NALCN: variants seen among roughly 807,000 people sequenced by gnomAD.
NALCN encodes sodium leak channel NALCN.
A neutral mutation model predicts 225.3 loss-of-function variants in NALCN; 111 were observed. The observed-to-expected ratio is 0.49, with a 90% confidence interval of 0.42 to 0.58. NALCN has a LOEUF of 0.58. NALCN is among the 20% of genes least tolerant of loss of function. NALCN has a pLI of 0.00. For synonymous variants in NALCN, 764 were observed against 769.0 expected, an observed-to-expected ratio of 0.99 and a Z score of 0.11; for missense variants, 1,378 against 2,202.4, an observed-to-expected ratio of 0.63 and a Z score of 7.49.
At chr13:101,127,491 T>G (rs2036294001) in intron 17 of NALCN, among the ~76,000 whole-genome samples, 1 of 152,152 alleles carries the variant, frequency 6.6e-6, no homozygotes, top group Non-Finnish European at 1.5e-5. Context: ...CCCTAGTAGC[T>G]GGGATTACAG....
intron 7 of NALCN, among the ~76,000 whole-genome samples, chr13:101,314,675 A>G (rs1352537012): frequency 6.6e-6 from 1 of 152,276 alleles, no homozygotes; most frequent in African/African-American, 2.4e-5. Flanking sequence ...GCACAGGACA[A>G]TTTTTCAAAT....
chr13:101,329,748 A>G (rs7986585), intron 7 of NALCN, among the ~76,000 whole-genome samples: 11,499 of 152,198 alleles, frequency 0.076, 541 homozygotes, highest in African/African-American at 0.12. Context: ...CTAAAAATAT[A>G]AAAACATAGG....
intron 22 of NALCN, among the ~76,000 whole-genome samples, chr13:101,106,828 T>G (rs1174930644): frequency 6.6e-6 from 1 of 152,188 alleles, no homozygotes. Context: ...AATTACCCAG[T>G]CTCAGGTATG....
At chr13:101,304,661 G>C (rs1490198755) in intron 7 of NALCN, among the ~76,000 whole-genome samples, 2 of 151,984 alleles carry the variant, frequency 1.3e-5, no homozygotes, top group Non-Finnish European at 1.5e-5. Context: ...TGGCCTTGAA[G>C]TCCTGAGCTC....
chr13:101,198,282 T>G (rs1566418929), intron 13 of NALCN, among the ~76,000 whole-genome samples: 1 of 152,084 alleles, frequency 6.6e-6, no homozygotes, highest in Admixed American at 6.5e-5. Flanking sequence ...AAACCCAAAA[T>G]TGACAAATGG....
At chr13:101,164,799 C>T (rs1345943197) in intron 15 of NALCN, among the ~76,000 whole-genome samples, 2 of 152,254 alleles carry the variant, frequency 1.3e-5, no homozygotes, top group African/African-American at 4.8e-5. Flanking sequence ...AAGTAAGTAG[C>T]TATTTCAGAA....
At chr13:101,167,041 T>C (rs1372156732) in intron 15 of NALCN, among the ~76,000 whole-genome samples, 1 of 152,250 alleles carries the variant, frequency 6.6e-6, no homozygotes, top group African/African-American at 2.4e-5. Flanking sequence ...GAGGGTTTAC[T>C]TGTGGCCTCT....
At position 101,251,660 on chromosome 13, in the gene NALCN, A is replaced by C. The variant is rs146062941; in HGVS notation, c.1266+6783T>G. On this transcript the variant is annotated intron_variant, in intron 11 of 43. Transcript: ENST00000251127. ...AAAGAAGGAAAAATAACCATAGAAA[A>C]AGAATCCTGCAAAATAATCATATTA... Among the ~76,000 whole-genome samples, 724 of 152,310 alleles carry C rather than the reference A, an allele frequency of 4.8e-3. 8 individuals carry two copies. Among genetic ancestry groups the C allele is most frequent in the African/African-American group, 0.016 (663 of 41,572 alleles).
chr13:101,376,832 G>A lies in NALCN; in HGVS notation c.516-4C>T. Reference sequence around the variant, plus strand: ...CCATATTTGTTCTCCCGATCGCCTAGAGAAACAAAAGTAGGTAAAGTACAT... The same window carrying A: ...CCATATTTGTTCTCCCGATCGCCTAAAGAAACAAAAGTAGGTAAAGTACAT... On this transcript the variant is annotated splice_region_variant and splice_polypyrimidine_tract_variant and intron_variant, in intron 5 of 43. Coordinates refer to ENST00000251127, the MANE Select transcript of NALCN (RefSeq NM_052867.4). The A allele has an allele frequency of 6.2e-7, 1 of 1,612,216 alleles. No individual in the cohort carries two copies. Among genetic ancestry groups the A allele is most frequent in the Non-Finnish European group, 8.5e-7 (1 of 1,179,556 alleles).
intron 7 of NALCN, among the ~76,000 whole-genome samples, chr13:101,335,586 CT>C (rs1398747517): frequency 2.0e-5 from 3 of 152,046 alleles, no homozygotes; most frequent in Non-Finnish European, 4.4e-5. Context: ...AGATGAAGCC[CT>C]TTTAGTTGAA....
chr13:101,104,639 C>G lies in NALCN; in HGVS notation c.2648G>C (p.Gly883Ala), dbSNP rs746926466. The G allele has an allele frequency of 1.9e-6, 3 of 1,613,830 alleles. No homozygotes were observed. The highest frequency in any genetic ancestry group is 1.7e-4 in the Middle Eastern group (1 of 6,052). ...TKYHQLYDLL[G>A]LVTYLDWVMI... ...GACCCAGTCCAGGTAAGTGACCAAT[C>G]CCAGCAAATCACTGCCAAAGACCAA... Residue 883 changes from glycine to alanine, a missense_variant, in exon 24 of 44, where the codon GGA becomes GCA. By Grantham distance (60) the Gly-to-Ala change is moderately conservative. Coordinates refer to ENST00000251127, the MANE Select transcript of NALCN (RefSeq NM_052867.4). The surrounding 1 kb of genome is among the most constrained non-coding windows in gnomAD (Gnocchi z 4.2).
At chr13:101,122,120 C>A (rs1436169711) in intron 18 of NALCN, among the ~76,000 whole-genome samples, 2 of 152,046 alleles carry the variant, frequency 1.3e-5, no homozygotes, top group Non-Finnish European at 2.9e-5. Flanking sequence ...GGTATGGTAT[C>A]ATTGCCATTA....
chr13:101,159,900 T>A (rs145936439), intron 15 of NALCN, among the ~76,000 whole-genome samples: 66 of 152,306 alleles, frequency 4.3e-4, no homozygotes, highest in Non-Finnish European at 7.8e-4. Flanking sequence ...CAAAATCACA[T>A]CTCTTTGTTA....
chr13:101,099,916 G>T lies in NALCN; in HGVS notation c.3162+868C>A, dbSNP rs185726811. 1.9e-4 allele frequency among the ~76,000 whole-genome samples: 29 copies of T among 152,180 alleles called. No homozygotes were observed. In the East Asian group the frequency reaches 4.8e-3, roughly 25 times the overall value. On this transcript the variant is annotated intron_variant, in intron 27 of 43. Coordinates refer to ENST00000251127, the MANE Select transcript of NALCN (RefSeq NM_052867.4). Reference sequence around the variant, plus strand: ...GAGAGCTGTATATAGTGTATATATTGCAAATGTATATATTGCAACTGATCC... The same window carrying T: ...GAGAGCTGTATATAGTGTATATATTTCAAATGTATATATTGCAACTGATCC...
chr13:101,314,217 C>T (rs1395202367), intron 7 of NALCN, among the ~76,000 whole-genome samples: 3 of 150,784 alleles, frequency 2.0e-5, no homozygotes, highest in Non-Finnish European at 3.0e-5. Context: ...TGCTAAATGA[C>T]GAGTTAATGG....
chr13:101,327,300 AT>A (rs2044993745), intron 7 of NALCN, among the ~76,000 whole-genome samples: 1 of 152,028 alleles, frequency 6.6e-6, no homozygotes, highest in African/African-American at 2.4e-5. Context: ...ATGATAGTTT[AT>A]TGTATTTTTA....
intron 6 of NALCN, among the ~76,000 whole-genome samples, chr13:101,359,504 T>A (rs1228091083): frequency 6.6e-6 from 1 of 152,254 alleles, no homozygotes; most frequent in Non-Finnish European, 1.5e-5. Flanking sequence ...CAGCACATCA[T>A]AAAAATTTGT....
chr13:101,369,374 G>T (rs761067794), intron 6 of NALCN, among the ~76,000 whole-genome samples: 1 of 152,080 alleles, frequency 6.6e-6, no homozygotes, highest in East Asian at 1.9e-4. Context: ...CACAAGGCAT[G>T]TTTTCATGCA....
At chr13:101,209,565 C>G (rs1036067670) in intron 13 of NALCN, among the ~76,000 whole-genome samples, 1 of 152,064 alleles carries the variant, frequency 6.6e-6, no homozygotes, top group Admixed American at 6.5e-5. Flanking sequence ...TATTGCCGGA[C>G]ACATTATATT....
Sources: gnomAD v4.1 joint callset for allele counts (sites outside exome capture counted in the v4.1 genomes callset) on GRCh38, gnomAD v4.1.1 for gene constraint, Gnocchi (gnomAD v3.1) non-coding constraint, MANE v1.5 for transcripts, NCBI Gene and HGNC (gene_info 2026-07-23, HGNC 2026-07-21) for gene names.